The following CAMK1D variants were observed in gnomAD, a reference collection of about 807,000 sequenced individuals.
The protein encoded by CAMK1D is calcium/calmodulin dependent protein kinase ID, also known as calcium/calmodulin-dependent protein kinase type 1D.
CAMK1D carries 9 observed loss-of-function variants against 47.7 expected under a neutral mutation model. The ratio of observed to expected loss-of-function variants is 0.19; its 90% confidence interval spans 0.11 to 0.33. CAMK1D has a LOEUF of 0.33. Ranked by LOEUF, CAMK1D falls within the 10% of genes least tolerant of loss-of-function variation. The pLI is 1.00. For missense variants in CAMK1D, 291 were observed against 488.7 expected (o/e 0.60, Z 3.81); for synonymous variants, 184 against 184.9 (o/e 0.99, Z 0.04).
At chr10:12,504,468 G>A (rs972728589) in intron 1 of CAMK1D, among the ~76,000 whole-genome samples, 2 of 152,142 alleles carry the variant, frequency 1.3e-5, no homozygotes, top group Admixed American at 1.3e-4. Context: ...CCCTTCCTCT[G>A]CCTTTTCATT....
At position 12,421,511 on chromosome 10, in the gene CAMK1D, CTTTTTTTTTTTTTTTTTT is replaced by C. The variant is rs71384322; in HGVS notation, c.92+71616_92+71633del. Among the ~76,000 whole-genome samples the C allele has an allele frequency of 4.5e-4, 23 of 50,734 alleles. No homozygotes were observed. In the South Asian group the frequency reaches 9.1e-3, roughly 20 times the overall value. 33.3% of individuals were successfully genotyped at this position (50,734 alleles called of 152,430 possible). On this transcript the variant is annotated intron_variant, in intron 1 of 10. Transcript: ENST00000619168. ...CATGCTGGGCCATTTATCCAGGATT[CTTTTTTTTTTTTTTTTTT>C]TTTTTTTTTTTTTTGAGACAAGGTC... is the stretch of plus-strand genomic sequence containing the variant.
intron 3 of CAMK1D, among the ~76,000 whole-genome samples, chr10:12,727,868 C>A (rs571241395): frequency 6.6e-6 from 1 of 151,212 alleles, no homozygotes; most frequent in Non-Finnish European, 1.5e-5. Flanking sequence ...TGGGTTCAGG[C>A]GATTCTTCTG....
intron 5 of CAMK1D, among the ~76,000 whole-genome samples, chr10:12,777,979 G>A (rs943800987): frequency 3.3e-5 from 5 of 152,192 alleles, no homozygotes; most frequent in Admixed American, 6.5e-5. Flanking sequence ...CTGTCCCCTG[G>A]GCCCAAGCCA....
At chr10:12,554,664 G>A (rs1490391383) in intron 2 of CAMK1D, among the ~76,000 whole-genome samples, 1 of 151,896 alleles carries the variant, frequency 6.6e-6, no homozygotes, top group Non-Finnish European at 1.5e-5. Context: ...TGGCTCCTGA[G>A]TAGCTAGGAC....
In CAMK1D at chr10:12,553,289, T is replaced by A; in HGVS notation, c.157T>A (p.Cys53Ser). 1.2e-6 allele frequency: 2 copies of A among 1,614,086 alleles called. No individual in the cohort carries two copies. The highest frequency in any genetic ancestry group is 1.7e-6 in the Non-Finnish European group (2 of 1,180,030). ...AACTGGCAAGCTCTTTGCTGTGAAG[T>A]GTATCCCTAAGAAGGCGCTGAAGGG... ...KATGKLFAVKCIPKKALKGKE... is the reference protein window; with the variant it reads ...KATGKLFAVKSIPKKALKGKE... The change falls in exon 2 of 11, where the codon TGT becomes AGT. Residue 53 changes from cysteine (C) to serine (S), a missense_variant. Cys to Ser is a moderately radical substitution (Grantham distance 112). Around this residue, in one of 2 missense-constraint regions of CAMK1D, gnomAD observed 219 missense variants for 424.3 expected, o/e 0.52. Transcript: ENST00000619168.
chr10:12,417,983 G>A (rs188884050), intron 1 of CAMK1D, among the ~76,000 whole-genome samples: 1,670 of 152,164 alleles, frequency 0.011, 24 homozygotes, highest in African/African-American at 0.039. Flanking sequence ...TGTATTTTTA[G>A]TAGAGACGAG....
intron 2 of CAMK1D, among the ~76,000 whole-genome samples, chr10:12,561,460 T>C (rs1310046872): frequency 6.6e-6 from 1 of 152,060 alleles, no homozygotes; most frequent in Non-Finnish European, 1.5e-5. Flanking sequence ...TCCATAATGA[T>C]GGCCCTTCCT....
Position 12,804,214 on chromosome 10 carries a change from G to A in CAMK1D, c.642-9981G>A, listed in dbSNP as rs369023004. Among the ~76,000 whole-genome samples, 12 of 152,130 alleles carry A rather than the reference G, an allele frequency of 7.9e-5. No homozygotes were observed. In the East Asian group the frequency reaches 9.6e-4, roughly 12 times the overall value. ...TTTTTCAGGGTAAACACCTATTTTG[G>A]GATGTTCAGTACAACTTCTTAAGTC... On this transcript the variant is annotated intron_variant, in intron 6 of 10. Coordinates refer to ENST00000619168, the MANE Select transcript of CAMK1D (RefSeq NM_153498.4).
At chr10:12,819,348 A>G (rs775598564) in intron 8 of CAMK1D, among the ~76,000 whole-genome samples, 7 of 152,204 alleles carry the variant, frequency 4.6e-5, no homozygotes, top group Non-Finnish European at 8.8e-5. Context: ...CCCTGAACAC[A>G]TGGTATTCCA....
chr10:12,495,929 G>A (rs551035817), intron 1 of CAMK1D, among the ~76,000 whole-genome samples: 115 of 152,264 alleles, frequency 7.6e-4, no homozygotes, highest in African/African-American at 2.6e-3. Flanking sequence ...CTGGGTTCAA[G>A]TGATCCTCCC....
intron 5 of CAMK1D, among the ~76,000 whole-genome samples, chr10:12,772,922 G>A (rs1439102520): frequency 6.6e-6 from 1 of 151,876 alleles, no homozygotes; most frequent in African/African-American, 2.4e-5. Context: ...CATCCCTTAG[G>A]CAGTTAGCAG....
At chr10:12,544,683 A>T (rs1193319257) in intron 1 of CAMK1D, among the ~76,000 whole-genome samples, 1 of 152,246 alleles carries the variant, frequency 6.6e-6, no homozygotes, top group Non-Finnish European at 1.5e-5. Flanking sequence ...AGGAGAAAAG[A>T]GATGGTACTG....
intron 1 of CAMK1D, among the ~76,000 whole-genome samples, chr10:12,513,279 G>T (rs888141854): frequency 2.6e-5 from 4 of 152,190 alleles, no homozygotes; most frequent in African/African-American, 9.6e-5. Context: ...GGGAAGGCAT[G>T]ATGACAGGCT....
intron 6 of CAMK1D, among the ~76,000 whole-genome samples, chr10:12,809,787 A>G (rs1046905015): frequency 2.6e-5 from 4 of 152,182 alleles, no homozygotes; most frequent in Non-Finnish European, 5.9e-5. Context: ...GTGAAGCAAG[A>G]TAAATGTGTT....
At chr10:12,554,046 T>C (rs1029677182) in intron 2 of CAMK1D, among the ~76,000 whole-genome samples, 23 of 152,190 alleles carry the variant, frequency 1.5e-4, no homozygotes, top group Non-Finnish European at 2.4e-4. Flanking sequence ...TACCTCCTCA[T>C]TGAGTTTTAT....
rs1564572238 is a variant in CAMK1D, at chr10:12,801,358, C to CTATCT, written c.641+10126_641+10130dup. On this transcript the variant is annotated intron_variant, in intron 6 of 10. Transcript: ENST00000619168. Reference sequence around the variant, plus strand: ...CTATCTATCTATCTATCTATCTTATCTATCTATCTATCTATCTATCTATCT... The same window carrying CTATCT: ...CTATCTATCTATCTATCTATCTTATCTATCTTATCTATCTATCTATCTATCTATCT... Among the ~76,000 whole-genome samples, 1,023 of 114,470 alleles carry CTATCT rather than the reference C, an allele frequency of 8.9e-3. 3 individuals carry two copies. Among genetic ancestry groups the CTATCT allele is most frequent in the Middle Eastern group, 0.014 (3 of 220 alleles). 75.1% of individuals were successfully genotyped at this position (114,470 alleles called of 152,430 possible). A position where few individuals can be genotyped will look rare whatever the true frequency, so the allele number is the denominator to read the frequency against.
intron 1 of CAMK1D, among the ~76,000 whole-genome samples, chr10:12,413,524 A>ATGAGTGTG: frequency 2.6e-5 from 1 of 38,404 alleles, no homozygotes; most frequent in Non-Finnish European, 5.7e-5. Context: ...TGATGGTGAT[A>ATGAGTGTG]ATGGTGATGA....
chr10:12,390,218 A>G (rs1323215512), intron 1 of CAMK1D, among the ~76,000 whole-genome samples: 1 of 152,120 alleles, frequency 6.6e-6, no homozygotes, highest in African/African-American at 2.4e-5. Context: ...CCGAAGAACT[A>G]TAAAGTAGTT....
chr10:12,746,876 T>C (rs1457667407), intron 3 of CAMK1D, among the ~76,000 whole-genome samples: 1 of 152,188 alleles, frequency 6.6e-6, no homozygotes, highest in African/African-American at 2.4e-5. Flanking sequence ...TTTATCCTTC[T>C]GATACTACAA....
Sources: allele counts gnomAD v4.1 joint callset (sites outside exome capture counted in the v4.1 genomes callset), GRCh38; gene constraint gnomAD v4.1.1; regional missense constraint gnomAD v4.1.1; transcripts MANE v1.5; gene names NCBI Gene and HGNC (gene_info 2026-07-23, HGNC 2026-07-21).